The following PCDHGA5 variants were observed in gnomAD, a reference collection of about 807,000 sequenced individuals.
PCDHGA5 encodes the protein protocadherin gamma subfamily A, 5.
In PCDHGA5, 36 loss-of-function variants were observed where a neutral mutation model predicts 56.7. The observed-to-expected ratio is 0.64, with a 90% confidence interval of 0.49 to 0.84. PCDHGA5 has a LOEUF of 0.84. Among genes scored for constraint, PCDHGA5 ranks in the 40% least tolerant of loss-of-function variants. PCDHGA5 has a pLI of 0.00. For missense variants in PCDHGA5, 1,305 were observed against 1,201.5 expected (o/e 1.09, Z -1.27); for synonymous variants, 563 against 520.2 (o/e 1.08, Z -1.12).
chr5:141,489,425 G>A lies in PCDHGA5; in HGVS notation c.2422-5382G>A, dbSNP rs779739693. 18 of 1,614,000 alleles carry A rather than the reference G, an allele frequency of 1.1e-5. No homozygotes were observed. Among genetic ancestry groups the A allele is most frequent in the South Asian group, 5.5e-5 (5 of 91,074 alleles). The stretch of plus-strand genomic sequence containing the variant: ...TTAAAGATGACAGATCTGTTGAGCC[G>A]GCGGCTGCAATTGGGCTCTGAGGAG... On this transcript the variant is annotated intron_variant, in intron 1 of 3. Transcript: ENST00000518069. This position sits in a 1 kb window ranked among gnomAD's most constrained non-coding sequence, Gnocchi z 4.5.
At chr5:141,383,473 C>A (rs764928203) in intron 1 of PCDHGA5, 1 of 1,613,568 alleles carries the variant, frequency 6.2e-7, no homozygotes, top group African/African-American at 1.3e-5. Flanking sequence ...AACTAAGTAC[C>A]CGGAACTGGT....
chr5:141,385,101 C>A (rs1373310406), intron 1 of PCDHGA5: 2 of 1,614,194 alleles, frequency 1.2e-6, no homozygotes, highest in East Asian at 2.2e-5. Flanking sequence ...GCTTGGCGAA[C>A]GTGCCCACCT....
At chr5:141,375,324 A>G in intron 1 of PCDHGA5, 2 of 1,613,806 alleles carry the variant, frequency 1.2e-6, no homozygotes, top group Non-Finnish European at 1.7e-6. Flanking sequence ...GACCGGGAAG[A>G]GGTATTCTTG....
chr5:141,390,118 C>A (rs1031170621), intron 1 of PCDHGA5: 2 of 1,613,918 alleles, frequency 1.2e-6, no homozygotes, highest in African/African-American at 2.7e-5. Context: ...AGCGAGGGGA[C>A]TTTGCCTTAT....
At chr5:141,409,869 A>G (rs2095329006) in intron 1 of PCDHGA5, 2 of 1,612,632 alleles carry the variant, frequency 1.2e-6, no homozygotes, top group African/African-American at 1.3e-5. Context: ...GGAGACCGCA[A>G]TGACAACGCA....
chr5:141,378,385 G>T, intron 1 of PCDHGA5: 1 of 152,308 alleles, frequency 6.6e-6, no homozygotes, highest in Non-Finnish European at 1.5e-5. Flanking sequence ...TAGCCAGGTG[G>T]GGTGGCATGG....
At chr5:141,395,134 A>G (rs1468654358) in intron 1 of PCDHGA5, 7 of 1,614,062 alleles carry the variant, frequency 4.3e-6, no homozygotes, top group Middle Eastern at 1.6e-4. Flanking sequence ...CCCCAGCCCA[A>G]CTACGCAGAC....
intron 1 of PCDHGA5, among the ~76,000 whole-genome samples, chr5:141,401,638 TA>T (rs2094176765): frequency 1.3e-5 from 2 of 152,242 alleles, no homozygotes; most frequent in South Asian, 4.1e-4. Context: ...TTTGGAGCTT[TA>T]AATATAAATG....
intron 1 of PCDHGA5, chr5:141,376,904 G>A (rs1773512555): frequency 5.3e-6 from 1 of 188,504 alleles, no homozygotes; most frequent in African/African-American, 2.4e-5. Context: ...AGCCAGGATG[G>A]TCTCGATCTC....
At chr5:141,435,054 C>A (rs891988253) in intron 1 of PCDHGA5, among the ~76,000 whole-genome samples, 7 of 151,964 alleles carry the variant, frequency 4.6e-5, no homozygotes, top group Admixed American at 1.3e-4. Context: ...ATTGACCATG[C>A]AGCAGTTTTG....
At position 141,432,458 on chromosome 5, in the gene PCDHGA5, C is replaced by T. The variant is rs1368524835; in HGVS notation, c.2422-62349C>T. 1.9e-6 allele frequency: 3 copies of T among 1,614,136 alleles called. No individual in the cohort carries two copies. The highest frequency in any genetic ancestry group is 8.5e-7 in the Non-Finnish European group (1 of 1,180,066). ...TGCGCCCGAGATCCTGTACCCCGCC[C>T]TCCCCACGGACGGTTCCACTGGCGT... On this transcript the variant is annotated intron_variant, in intron 1 of 3. Transcript: ENST00000518069. This position sits in a 1 kb window ranked among gnomAD's most constrained non-coding sequence, Gnocchi z 6.0.
chr5:141,504,824 C>T (rs537283013), intron 2 of PCDHGA5, among the ~76,000 whole-genome samples: 4 of 152,230 alleles, frequency 2.6e-5, no homozygotes, highest in South Asian at 4.1e-4. Context: ...TAGGTCCCCA[C>T]TTTTTCTCTA....
intron 1 of PCDHGA5, chr5:141,394,020 A>G (rs1311759353): frequency 6.2e-7 from 1 of 1,613,426 alleles, no homozygotes; most frequent in African/African-American, 1.3e-5. Context: ...TAATTATTAT[A>G]GATTAGTGAC....
chr5:141,490,313 C>G lies in PCDHGA5; in HGVS notation c.2422-4494C>G. The G allele has an allele frequency of 6.2e-7, 1 of 1,614,222 alleles. No individual in the cohort carries two copies. The highest frequency in any genetic ancestry group is 8.5e-7 in the Non-Finnish European group (1 of 1,180,024). Reference sequence around the variant, plus strand: ...GTGCTATTGGCCTCTTTGGCCAACCCTGTCCTAGAGAGCACACCAGTGGGC... The same window carrying G: ...GTGCTATTGGCCTCTTTGGCCAACCGTGTCCTAGAGAGCACACCAGTGGGC... On this transcript the variant is annotated intron_variant, in intron 1 of 3. Transcript: ENST00000518069. The surrounding 1 kb of genome is among the most constrained non-coding windows in gnomAD (Gnocchi z 5.4).
chr5:141,390,111 G>C (rs2092051894), intron 1 of PCDHGA5: 5 of 1,614,054 alleles, frequency 3.1e-6, no homozygotes, highest in Non-Finnish European at 4.2e-6. Flanking sequence ...CAACTACAGC[G>C]AGGGGACTTT....
intron 1 of PCDHGA5, chr5:141,372,142 A>T: frequency 2.5e-6 from 4 of 1,613,728 alleles, no homozygotes; most frequent in Non-Finnish European, 3.4e-6. Flanking sequence ...CGCTCTGCAG[A>T]GCCTGGCTAC....
intron 1 of PCDHGA5, chr5:141,484,903 G>A: frequency 2.5e-6 from 1 of 407,434 alleles, no homozygotes; most frequent in Non-Finnish European, 4.4e-6. Context: ...CTCCAATGCT[G>A]CGACGCATTA....
intron 1 of PCDHGA5, chr5:141,372,718 C>G: frequency 6.2e-7 from 1 of 1,613,818 alleles, no homozygotes; most frequent in East Asian, 2.2e-5. Flanking sequence ...GCTGAAAATG[C>G]TGCACCACAA....
chr5:141,400,678 TTG>T, intron 1 of PCDHGA5: 1 of 882,002 alleles, frequency 1.1e-6, no homozygotes, highest in Non-Finnish European at 1.7e-6. Flanking sequence ...GAGCAGTAAA[TTG>T]TGAGTTTTTA....
Sources: allele counts gnomAD v4.1 joint callset (sites outside exome capture counted in the v4.1 genomes callset), GRCh38; gene constraint gnomAD v4.1.1; non-coding constraint Gnocchi (gnomAD v3.1); transcripts MANE v1.5; gene names NCBI Gene and HGNC (gene_info 2026-07-23, HGNC 2026-07-21).